Variants in RUVBL1 observed in about 807,000 individuals in gnomAD.
RUVBL1 encodes the protein RuvB like AAA ATPase 1, also known as ruvB-like 1.
In RUVBL1, 4 loss-of-function variants were observed where a neutral mutation model predicts 52.4. The observed-to-expected ratio is 0.08, with a 90% CI of 0.04 to 0.17. The LOEUF is 0.17. Among genes scored for constraint, RUVBL1 ranks in the 10% least tolerant of loss-of-function variants. RUVBL1 has a pLI of 1.00. For missense variants in RUVBL1, 298 were observed against 572.8 expected, an observed-to-expected ratio of 0.52 and a Z score of 4.90; for synonymous variants, 217 against 214.4, an observed-to-expected ratio of 1.01 and a Z score of -0.10.
chr3:128,069,617 T>G (rs1488820850), intron 9 of RUVBL1: 1 of 1,614,122 alleles, frequency 6.2e-7, no homozygotes, highest in Non-Finnish European at 8.5e-7. Flanking sequence ...AGATCTTCGT[T>G]AAGGAGCAAA....
chr3:128,116,190 A>C (rs1943518074), intron 2 of RUVBL1, among the ~76,000 whole-genome samples: 1 of 151,930 alleles, frequency 6.6e-6, no homozygotes, highest in Non-Finnish European at 1.5e-5. Context: ...TAAAAAAAAA[A>C]CATAAAAGAG....
chr3:128,080,310 C>T (rs925348349), downstream of RUVBL1, among the ~76,000 whole-genome samples: 7 of 152,198 alleles, frequency 4.6e-5, no homozygotes, highest in Admixed American at 1.3e-4. Flanking sequence ...TGCAGAATCC[C>T]AAATAATTTT....
chr3:128,087,570 T>G (rs1942688053), intron 9 of RUVBL1, 136 bp downstream of exon 9: 1 of 606,770 alleles, frequency 1.6e-6, no homozygotes, highest in East Asian at 3.0e-5. Flanking sequence ...TAATGTGACT[T>G]GCTCGAGGCC....
intron 1 of RUVBL1, among the ~76,000 whole-genome samples, chr3:128,121,971 ACT>A (rs1392736144): frequency 1.3e-5 from 2 of 152,206 alleles, no homozygotes; most frequent in African/African-American, 4.8e-5. Context: ...ACCTAGTCTA[ACT>A]CTCATTTTTC....
chr3:128,065,109 C>T (rs1364578815), exon 10 of RUVBL1: 1 of 1,484,162 alleles, frequency 6.7e-7, no homozygotes, highest in Admixed American at 1.7e-5. Context: ...GTGTGCAGTC[C>T]CCCACTCTGT....
chr3:128,072,112 G>A (rs958815487), intron 9 of RUVBL1, among the ~76,000 whole-genome samples: 13 of 152,230 alleles, frequency 8.5e-5, no homozygotes, highest in Non-Finnish European at 7.3e-5. Context: ...GACCCGACCT[G>A]TAGCCAAGCC....
chr3:128,095,099 G>C (rs981170544), intron 8 of RUVBL1, among the ~76,000 whole-genome samples: 7 of 152,196 alleles, frequency 4.6e-5, no homozygotes, highest in Non-Finnish European at 1.0e-4. Context: ...AGCCCAGATG[G>C]GGCTGGGGCC....
At chr3:128,152,259 C>A (rs529913596) in intron 1 of RUVBL1, among the ~76,000 whole-genome samples, 5 of 152,146 alleles carry the variant, frequency 3.3e-5, no homozygotes, top group Non-Finnish European at 5.9e-5. Flanking sequence ...ACACATTGTG[C>A]GTTCAATTTA....
Position 128,081,419 on chromosome 3 carries a change from A to T in RUVBL1, c.1212-10T>A, listed in dbSNP as rs751296279. The T allele has an allele frequency of 6.2e-7, 1 of 1,609,944 alleles. No homozygotes were observed. The highest frequency in any genetic ancestry group is 1.3e-5 in the African/African-American group (1 of 74,872). ...CAGCTGCACTGAGTACCTAGAGTGG[A>T]CAGGGGCCAGGGCTGGAGTGAAACT... On this transcript the variant is annotated splice_polypyrimidine_tract_variant and intron_variant, in intron 10 of 10. Transcript: ENST00000322623. This position sits in a 1 kb window ranked among gnomAD's most constrained non-coding sequence, Gnocchi z 4.8.
intron 8 of RUVBL1, among the ~76,000 whole-genome samples, chr3:128,095,434 C>T (rs1942946662): frequency 6.6e-6 from 1 of 152,256 alleles, no homozygotes; most frequent in Admixed American, 6.5e-5. Context: ...GGCATACCAG[C>T]CATAAGGCCC....
chr3:128,066,871 G>A, intron 9 of RUVBL1: 1 of 1,375,306 alleles, frequency 7.3e-7, no homozygotes, highest in Non-Finnish European at 1.0e-6. Context: ...TGGCCCACTG[G>A]ACAGTCCCCG....
intron 1 of RUVBL1, among the ~76,000 whole-genome samples, chr3:128,146,001 T>A (rs1338022867): frequency 6.6e-6 from 1 of 151,924 alleles, no homozygotes; most frequent in Non-Finnish European, 1.5e-5. Flanking sequence ...ACCATACACG[T>A]ATGTTCAAAG....
At chr3:128,115,520 C>T (rs190463493) in intron 2 of RUVBL1, among the ~76,000 whole-genome samples, 2 of 152,278 alleles carry the variant, frequency 1.3e-5, no homozygotes, top group African/African-American at 4.8e-5. Context: ...TGCAGCAAAC[C>T]ATTAAGCAGA....
intron 3 of RUVBL1, among the ~76,000 whole-genome samples, chr3:128,107,115 G>T (rs901142708): frequency 1.3e-5 from 2 of 152,090 alleles, no homozygotes; most frequent in African/African-American, 4.8e-5. Context: ...ACCACTGATG[G>T]CCTAAGTTTA....
downstream of RUVBL1, among the ~76,000 whole-genome samples, chr3:128,080,020 T>G (rs1942426491): frequency 6.6e-6 from 1 of 152,156 alleles, no homozygotes; most frequent in South Asian, 2.1e-4. Context: ...AGGACAGGCC[T>G]GGCAAGGGCA....
intron 4 of RUVBL1, among the ~76,000 whole-genome samples, chr3:128,102,933 G>A (rs1164832820): frequency 1.3e-5 from 2 of 152,218 alleles, no homozygotes; most frequent in Non-Finnish European, 2.9e-5. Context: ...CAGAACTGCT[G>A]TGAGTCTGTG....
At chr3:128,153,408 C>T (rs1401740301) in exon 1 of RUVBL1, 1 of 1,416,372 alleles carries the variant, frequency 7.1e-7, no homozygotes, top group Non-Finnish European at 9.1e-7. Context: ...GTGTGCACAG[C>T]GCGCCGGTTA....
intron 9 of RUVBL1, among the ~76,000 whole-genome samples, chr3:128,069,180 T>C (rs979514599): frequency 2.0e-5 from 3 of 152,234 alleles, no homozygotes; most frequent in Non-Finnish European, 4.4e-5. Context: ...TTATAATTAA[T>C]GTTAAGAAAA....
chr3:128,108,140 T>C (rs1382039448), intron 3 of RUVBL1, among the ~76,000 whole-genome samples: 3 of 152,200 alleles, frequency 2.0e-5, no homozygotes. Flanking sequence ...GGGACCTTCA[T>C]CACATCAAGG....
Sources: gnomAD v4.1 joint callset for allele counts (sites outside exome capture counted in the v4.1 genomes callset) on GRCh38, gnomAD v4.1.1 for gene constraint, Gnocchi (gnomAD v3.1) non-coding constraint, MANE v1.5 for transcripts, NCBI Gene and HGNC (gene_info 2026-07-23, HGNC 2026-07-21) for gene names.